Variants in GULP1 observed in about 807,000 individuals in gnomAD.
GULP1 encodes PTB domain-containing engulfment adapter protein 1.
A neutral mutation model predicts 40.9 loss-of-function variants in GULP1; 19 were observed. That is an observed-to-expected ratio of 0.46 (90% CI 0.32 to 0.68). The LOEUF (loss-of-function observed/expected upper bound fraction) is 0.68, where lower values mean the gene tolerates loss of function less well. GULP1 is among the 30% of genes least tolerant of loss of function. The pLI, the probability that GULP1 is intolerant of heterozygous loss-of-function variation, is 0.03. For missense variants in GULP1, 312 were observed against 362.2 expected, an observed-to-expected ratio of 0.86 and a Z score of 1.12; for synonymous variants, 119 against 117.6, an observed-to-expected ratio of 1.01 and a Z score of -0.08.
intron 7 of GULP1, among the ~76,000 whole-genome samples, chr2:188,549,188 A>G (rs1692790487): frequency 6.6e-6 from 1 of 151,888 alleles, no homozygotes; most frequent in South Asian, 2.1e-4. Context: ...ATAAAGTAAA[A>G]TATCTGTATT....
intron 4 of GULP1, among the ~76,000 whole-genome samples, chr2:188,502,053 G>A (rs2063484399): frequency 6.6e-6 from 1 of 151,782 alleles, no homozygotes; most frequent in Non-Finnish European, 1.5e-5. Context: ...ATTTGTTAAT[G>A]ATTTGTACTG....
At chr2:188,444,850 T>C (rs2058247872) in intron 2 of GULP1, among the ~76,000 whole-genome samples, 1 of 152,210 alleles carries the variant, frequency 6.6e-6, no homozygotes, top group Admixed American at 6.5e-5. Flanking sequence ...TCCTATACTT[T>C]CACCTAAACA....
Position 188,465,238 on chromosome 2 carries a change from A to G in GULP1, c.-44-12421A>G, listed in dbSNP as rs1575430797. Among the ~76,000 whole-genome samples the G allele has an allele frequency of 2.0e-5, 3 of 152,226 alleles. No individual in the cohort carries two copies. The South Asian group carries it at 6.2e-4, about 32-fold the overall frequency. On this transcript the variant is annotated intron_variant, in intron 2 of 11. Coordinates refer to ENST00000409830, the MANE Select transcript of GULP1 (RefSeq NM_016315.4). Reference sequence around the variant, plus strand: ...TTAAGGGCATGTTACAAATCTTGCCATGACTGAGTTCTTCCCTTCAAGGCA... The same window carrying G: ...TTAAGGGCATGTTACAAATCTTGCCGTGACTGAGTTCTTCCCTTCAAGGCA...
At chr2:188,414,974 A>T (rs2054393028) in intron 2 of GULP1, among the ~76,000 whole-genome samples, 1 of 152,182 alleles carries the variant, frequency 6.6e-6, no homozygotes, top group East Asian at 1.9e-4. Flanking sequence ...GGCCTTATGG[A>T]ATAATGTTAT....
chr2:188,550,873 G>A (rs1159431344), intron 7 of GULP1, among the ~76,000 whole-genome samples: 3 of 151,462 alleles, frequency 2.0e-5, no homozygotes, highest in Non-Finnish European at 3.0e-5. Context: ...AATGTAATTA[G>A]TTTAAAATTA....
chr2:188,321,028 G>A (rs4381753), intron 1 of GULP1, among the ~76,000 whole-genome samples: 66,000 of 151,210 alleles, frequency 0.44, 14,961 homozygotes, highest in East Asian at 0.57. Flanking sequence ...TCTTATTTCC[G>A]CCCTTGGTAT....
rs372763499 is a variant in GULP1 at position 188,400,246 on chromosome 2, AT to A, written c.-45+16358del. Among the ~76,000 whole-genome samples, 21 of 152,090 alleles carry A rather than the reference AT, an allele frequency of 1.4e-4. No homozygotes were observed. The East Asian group carries it at 4.1e-3, about 29-fold the overall frequency. Reference sequence around the variant, plus strand: ...ATGACCTTCTTCCCTGTGTTTCTCTATATTCTTTCCTCTTCTTATAAACATA... The same window carrying A: ...ATGACCTTCTTCCCTGTGTTTCTCTAATTCTTTCCTCTTCTTATAAACATA... On this transcript the variant is annotated intron_variant, in intron 2 of 11. Coordinates refer to ENST00000409830, the MANE Select transcript of GULP1 (RefSeq NM_016315.4).
Position 188,584,261 on chromosome 2 carries a change from G to T in GULP1, c.610-4G>T, listed in dbSNP as rs754872580. The T allele has an allele frequency of 5.7e-6, 9 of 1,590,146 alleles. No homozygotes were observed. Among genetic ancestry groups the T allele is most frequent in the Non-Finnish European group, 7.8e-6 (9 of 1,159,942 alleles). On this transcript the variant is annotated splice_region_variant and splice_polypyrimidine_tract_variant and intron_variant, in intron 9 of 11. Coordinates refer to ENST00000409830, the MANE Select transcript of GULP1 (RefSeq NM_016315.4). Reference sequence around the variant, plus strand: ...TTACCCTAATTCATTTATTTTCATTGCAGGCAGGCAGTATGACACCTAAGT... The same window carrying T: ...TTACCCTAATTCATTTATTTTCATTTCAGGCAGGCAGTATGACACCTAAGT...
intron 2 of GULP1, among the ~76,000 whole-genome samples, chr2:188,451,772 GA>G (rs908954445): frequency 1.4e-5 from 2 of 146,204 alleles, no homozygotes; most frequent in African/African-American, 5.1e-5. Context: ...ATTATACTAG[GA>G]AAATAAAAAA....
chr2:188,519,970 C>A (rs1161069098), intron 4 of GULP1, among the ~76,000 whole-genome samples: 1 of 152,148 alleles, frequency 6.6e-6, no homozygotes, highest in African/African-American at 2.4e-5. Context: ...GGCTAAAACG[C>A]CCCTATGATT....
intron 4 of GULP1, among the ~76,000 whole-genome samples, chr2:188,505,596 T>C (rs528893360): frequency 3.3e-5 from 5 of 151,784 alleles, no homozygotes; most frequent in Admixed American, 6.6e-5. Flanking sequence ...TACAAAAATA[T>C]TCTCAACCAA....
rs141578301 is a variant in GULP1, at chr2:188,375,192, C to G, written c.-171-8571C>G. ...GTACAGAAGGTATTCCAGATTTTAC[C>G]GAGCAGTGTATGTATAATTTGAGTG... On this transcript the variant is annotated intron_variant, in intron 1 of 11. Transcript: ENST00000409830. Among the ~76,000 whole-genome samples, 3 of 152,074 alleles carry G rather than the reference C, an allele frequency of 2.0e-5. No homozygotes were observed. The South Asian group carries it at 6.2e-4, about 32-fold the overall frequency.
chr2:188,569,383 A>G, intron 8 of GULP1, 28 bp downstream of exon 8: 3 of 1,102,390 alleles, frequency 2.7e-6, no homozygotes, highest in Middle Eastern at 2.0e-4. Context: ...GTTGTTTTAC[A>G]TTTGTGTGAT....
Position 188,318,931 on chromosome 2 carries a change from A to G in GULP1, c.-172+26765A>G, listed in dbSNP as rs1348688887. ...CATGCCTTTGATTTCTTTCCTGGAC[A>G]GAGTCAAGAACTGTCCCAAGCTAAG... is the stretch of plus-strand genomic sequence containing the variant. On this transcript the variant is annotated intron_variant, in intron 1 of 11. Coordinates refer to ENST00000409830, the MANE Select transcript of GULP1 (RefSeq NM_016315.4). Among the ~76,000 whole-genome samples the G allele has an allele frequency of 3.9e-5, 6 of 152,264 alleles. No individual in the cohort carries two copies. The East Asian group carries it at 1.2e-3, about 29-fold the overall frequency.
At chr2:188,312,738 G>A (rs904060263) in intron 1 of GULP1, among the ~76,000 whole-genome samples, 1 of 152,114 alleles carries the variant, frequency 6.6e-6, no homozygotes, top group African/African-American at 2.4e-5. Flanking sequence ...TTCCACAATG[G>A]TTGAACTAAT....
At chr2:188,573,874 C>A (rs2153440405) in intron 9 of GULP1, among the ~76,000 whole-genome samples, 1 of 152,230 alleles carries the variant, frequency 6.6e-6, no homozygotes, top group African/African-American at 2.4e-5. Context: ...GAGCCCCTAA[C>A]ACAGAAAACT....
In GULP1 at chr2:188,376,556, C is replaced by T. The variant is rs534694539; in HGVS notation, c.-171-7207C>T. 5.9e-5 allele frequency among the ~76,000 whole-genome samples: 9 copies of T among 152,098 alleles called. No individual in the cohort carries two copies. The East Asian group carries it at 1.4e-3, about 23-fold the overall frequency. ...GGTTTTTATGAAAACCTCAGAAAAC[C>T]TCATTGAAATGCCATGAAATTAAAA... On this transcript the variant is annotated intron_variant, in intron 1 of 11. Transcript: ENST00000409830.
chr2:188,558,365 C>G (rs1416074099), intron 7 of GULP1, among the ~76,000 whole-genome samples: 2 of 152,156 alleles, frequency 1.3e-5, no homozygotes, highest in African/African-American at 2.4e-5. Context: ...TTCTCATTTT[C>G]TCTTGCCACT....
At chr2:188,435,412 C>T (rs1276910781) in intron 2 of GULP1, among the ~76,000 whole-genome samples, 1 of 151,972 alleles carries the variant, frequency 6.6e-6, no homozygotes, top group South Asian at 2.1e-4. Context: ...ACACTGATGC[C>T]GCTACCATGA....
Sources: gnomAD v4.1 joint callset for allele counts (sites outside exome capture counted in the v4.1 genomes callset) on GRCh38, gnomAD v4.1.1 for gene constraint, MANE v1.5 for transcripts, NCBI Gene and HGNC (gene_info 2026-07-23, HGNC 2026-07-21) for gene names.